Variants in FAM184B observed in about 807,000 individuals in gnomAD.
FAM184B encodes the protein family with sequence similarity 184 member B, also known as protein FAM184B.
A neutral mutation model predicts 135.9 loss-of-function variants in FAM184B; 111 were observed. The ratio of observed to expected loss-of-function variants is 0.82; its 90% CI spans 0.70 to 0.96. The LOEUF is 0.96. FAM184B is among the 40% of genes least tolerant of loss of function. The probability of loss-of-function intolerance (pLI) is 0.00; values close to 1 mark genes in which losing one functional copy is unlikely to be tolerated. For missense variants in FAM184B, 1,375 were observed against 1,323.9 expected (o/e 1.04, Z -0.60); for synonymous variants, 552 against 524.8 (o/e 1.05, Z -0.71).
Position 17,739,555 on chromosome 4 carries a change from G to GTTTTTTTTT in FAM184B, c.142-29920_142-29912dup, listed in dbSNP as rs397992408. On this transcript the variant is annotated intron_variant, in intron 1 of 17. Transcript: ENST00000265018. ...CCCTACACCATATGTCATACCAACTGTTTTTTTTTTTTTTTTGAGATGGGG... is the reference window on the plus strand; with the variant it reads ...CCCTACACCATATGTCATACCAACTGTTTTTTTTTTTTTTTTTTTTTTTTTGAGATGGGG... 4.4e-3 allele frequency among the ~76,000 whole-genome samples: 272 copies of GTTTTTTTTT among 62,474 alleles called. 71 individuals are homozygous for GTTTTTTTTT. Among genetic ancestry groups the GTTTTTTTTT allele is most frequent in the Non-Finnish European group, 6.2e-3 (225 of 36,440 alleles). The allele number at this position is 62,474 out of a possible 152,430, so 41.0% of individuals were successfully genotyped here.
chr4:17,710,786 G>A (rs185233262), intron 1 of FAM184B, among the ~76,000 whole-genome samples: 33 of 152,342 alleles, frequency 2.2e-4, no homozygotes, highest in African/African-American at 7.0e-4. Flanking sequence ...TGAGCCACAG[G>A]TCGGTGTTTC....
chr4:17,694,287 G>A (rs1716805131), intron 5 of FAM184B, among the ~76,000 whole-genome samples: 1 of 152,198 alleles, frequency 6.6e-6, no homozygotes, highest in African/African-American at 2.4e-5. Context: ...ACTTTGGGAG[G>A]CCGAGGTGGG....
At chr4:17,634,012 A>AT (rs1388130549) in intron 16 of FAM184B, 124 bp from the exon 17 acceptor site, 2 of 645,568 alleles carry the variant, frequency 3.1e-6, no homozygotes, top group African/African-American at 3.8e-5. Flanking sequence ...AATTTCATTT[A>AT]TACACTTACA....
At chr4:17,645,933 T>C (rs1316607146) in intron 12 of FAM184B, among the ~76,000 whole-genome samples, 7 of 152,166 alleles carry the variant, frequency 4.6e-5, no homozygotes, top group Non-Finnish European at 8.8e-5. Flanking sequence ...GAACAGACAC[T>C]TCTCAAAAGA....
chr4:17,669,677 C>T (rs375604051), intron 7 of FAM184B, among the ~76,000 whole-genome samples: 427 of 152,206 alleles, frequency 2.8e-3, no homozygotes, highest in African/African-American at 9.8e-3. Context: ...AGCTATAGCC[C>T]TCTAACGATA....
chr4:17,654,164 G>A (rs528810253), intron 10 of FAM184B, among the ~76,000 whole-genome samples: 1 of 151,186 alleles, frequency 6.6e-6, no homozygotes, highest in South Asian at 2.1e-4. Flanking sequence ...ATTTGTTACA[G>A]CAGCAATAGG....
At chr4:17,775,355 T>G (rs1480763193) in intron 1 of FAM184B, among the ~76,000 whole-genome samples, 2 of 151,998 alleles carry the variant, frequency 1.3e-5, no homozygotes, top group African/African-American at 4.8e-5. Flanking sequence ...CCAGCTAATT[T>G]TTTGTATTTT....
chr4:17,748,888 G>A (rs1718235554), intron 1 of FAM184B, among the ~76,000 whole-genome samples: 1 of 151,756 alleles, frequency 6.6e-6, no homozygotes, highest in Non-Finnish European at 1.5e-5. Flanking sequence ...AGTGTATTGG[G>A]TGCAATCATA....
At chr4:17,752,796 C>G (rs114515138) in intron 1 of FAM184B, among the ~76,000 whole-genome samples, 173 of 152,314 alleles carry the variant, frequency 1.1e-3, no homozygotes, top group African/African-American at 4.0e-3. Flanking sequence ...CTAATATCAT[C>G]GCTGAAAAAG....
intron 5 of FAM184B, 133 bp downstream of exon 5, chr4:17,704,867 G>T: frequency 1.3e-6 from 1 of 760,682 alleles, no homozygotes; most frequent in Non-Finnish European, 2.1e-6. Flanking sequence ...TGTATTCAGA[G>T]AATAAGCTTA....
chr4:17,646,549 G>A (rs550227609), intron 12 of FAM184B, among the ~76,000 whole-genome samples: 77 of 152,114 alleles, frequency 5.1e-4, no homozygotes, highest in African/African-American at 1.8e-3. Flanking sequence ...TTGGACACAG[G>A]AAGGGGGACA....
At chr4:17,744,490 C>CACCA (rs1553841920) in intron 1 of FAM184B, among the ~76,000 whole-genome samples, 3,270 of 137,322 alleles carry the variant, frequency 0.024, 74 homozygotes, top group African/African-American at 0.062. Flanking sequence ...CACACACACA[C>CACCA]CACACACACA....
chr4:17,689,660 A>T lies in FAM184B; in HGVS notation c.1489-1129T>A, dbSNP rs1716675637. Among the ~76,000 whole-genome samples the T allele has an allele frequency of 7.2e-5, 11 of 152,110 alleles. No homozygotes were observed. In the South Asian group the frequency reaches 2.3e-3, roughly 32 times the overall value. Reference sequence around the variant, plus strand: ...TTTAAAAAAATTATTTTCTTTTTTAAAAAATTGAGATGGGATCTTGCTATG... The same window carrying T: ...TTTAAAAAAATTATTTTCTTTTTTATAAAATTGAGATGGGATCTTGCTATG... On this transcript the variant is annotated intron_variant, in intron 6 of 17. Coordinates refer to ENST00000265018, the MANE Select transcript of FAM184B (RefSeq NM_015688.2).
chr4:17,637,103 T>C (rs907492685), intron 14 of FAM184B, among the ~76,000 whole-genome samples: 3 of 152,192 alleles, frequency 2.0e-5, no homozygotes, highest in Admixed American at 6.5e-5. Flanking sequence ...CTCGGCTCTC[T>C]GCAACCTCCG....
At chr4:17,697,176 C>A (rs1157110196) in intron 5 of FAM184B, among the ~76,000 whole-genome samples, 2 of 152,040 alleles carry the variant, frequency 1.3e-5, no homozygotes, top group Non-Finnish European at 2.9e-5. Flanking sequence ...TGGAGGAATT[C>A]CACAGTCATT....
chr4:17,715,097 A>G (rs1283707181), intron 1 of FAM184B, among the ~76,000 whole-genome samples: 1 of 152,182 alleles, frequency 6.6e-6, no homozygotes, highest in Non-Finnish European at 1.5e-5. Flanking sequence ...ACCGTCTTTT[A>G]TACACATACA....
chr4:17,668,269 G>C (rs1399324005), intron 7 of FAM184B, among the ~76,000 whole-genome samples: 3 of 152,194 alleles, frequency 2.0e-5, no homozygotes, highest in African/African-American at 7.2e-5. Context: ...TGAACGTAAA[G>C]TGTTTAGCTG....
intron 1 of FAM184B, among the ~76,000 whole-genome samples, chr4:17,767,450 A>G (rs1181469278): frequency 1.3e-5 from 2 of 152,246 alleles, no homozygotes; most frequent in Non-Finnish European, 2.9e-5. Flanking sequence ...CAAATTGCTA[A>G]AGGAAGAAAA....
chr4:17,671,469 G>C (rs566096814), intron 7 of FAM184B, among the ~76,000 whole-genome samples: 1 of 152,182 alleles, frequency 6.6e-6, no homozygotes, highest in African/African-American at 2.4e-5. Flanking sequence ...GCTTCTTACT[G>C]GGAGGAAATG....
Sources: allele counts gnomAD v4.1 joint callset (sites outside exome capture counted in the v4.1 genomes callset), GRCh38; gene constraint gnomAD v4.1.1; transcripts MANE v1.5; gene names NCBI Gene and HGNC (gene_info 2026-07-23, HGNC 2026-07-21).